Variants in LOXL2 observed in about 807,000 individuals in gnomAD.
LOXL2 encodes lysyl oxidase like 2.
Under a neutral mutation model 93.0 loss-of-function variants are expected in LOXL2, and 70 were observed. That is an observed-to-expected ratio of 0.75 (90% CI 0.62 to 0.92). The LOEUF (loss-of-function observed/expected upper bound fraction) is 0.92, where lower values mean the gene tolerates loss of function less well. LOXL2 is among the 40% of genes least tolerant of loss of function. The probability of loss-of-function intolerance (pLI) is 0.00; values close to 1 mark genes in which losing one functional copy is unlikely to be tolerated. For missense variants in LOXL2, 973 were observed against 1,054.9 expected, an observed-to-expected ratio of 0.92 and a Z score of 1.08; for synonymous variants, 438 against 413.2, an observed-to-expected ratio of 1.06 and a Z score of -0.73.
chr8:23,384,608 A>C (rs1358728328), intron 1 of LOXL2, among the ~76,000 whole-genome samples: 1 of 152,174 alleles, frequency 6.6e-6, no homozygotes, highest in Non-Finnish European at 1.5e-5. Context: ...AGGCAGAAGG[A>C]GGGAGTAACT....
chr8:23,394,734 GC>G (rs1800066686), intron 1 of LOXL2, among the ~76,000 whole-genome samples: 1 of 151,740 alleles, frequency 6.6e-6, no homozygotes, highest in Non-Finnish European at 1.5e-5. Context: ...ATATGACCCA[GC>G]AACCCCCCTC....
intron 2 of LOXL2, chr8:23,365,779 CCCTT>C (rs1223678814): frequency 3.3e-5 from 5 of 152,298 alleles, no homozygotes; most frequent in African/African-American, 1.2e-4. Flanking sequence ...ACACACAGCT[CCCTT>C]CATCTTTTAG....
chr8:23,318,643 T>G (rs1023016454), intron 8 of LOXL2, among the ~76,000 whole-genome samples: 2 of 152,116 alleles, frequency 1.3e-5, no homozygotes, highest in African/African-American at 4.8e-5. Context: ...GGCCCAGGTG[T>G]CTTAGGAATG....
intron 5 of LOXL2, chr8:23,331,480 C>T (rs1180333527): frequency 6.6e-6 from 1 of 152,246 alleles, no homozygotes; most frequent in Non-Finnish European, 1.5e-5. Flanking sequence ...GCACTAAGTA[C>T]TGAGGTTTTA....
intron 1 of LOXL2, among the ~76,000 whole-genome samples, chr8:23,369,410 C>G (rs575511511): frequency 6.8e-4 from 103 of 152,076 alleles, no homozygotes; most frequent in African/African-American, 2.1e-3. Flanking sequence ...GGGCCCCAAA[C>G]CAGGATGAGC....
intron 1 of LOXL2, among the ~76,000 whole-genome samples, chr8:23,396,909 T>C (rs1266884602): frequency 6.6e-6 from 1 of 152,216 alleles, no homozygotes; most frequent in East Asian, 1.9e-4. Flanking sequence ...TGTACACCAA[T>C]GTTCACAGCA....
chr8:23,332,540 ACCCC>A (rs1803709496), intron 5 of LOXL2, among the ~76,000 whole-genome samples: 1 of 59,546 alleles, frequency 1.7e-5, no homozygotes, highest in South Asian at 6.5e-4. Flanking sequence ...CCACTCATAC[ACCCC>A]CACACACCCA....
chr8:23,342,565 G>A (rs1803899971), intron 3 of LOXL2, among the ~76,000 whole-genome samples: 2 of 151,596 alleles, frequency 1.3e-5, no homozygotes, highest in Non-Finnish European at 2.9e-5. Context: ...CCAAGTAGCT[G>A]GGACTACAGG....
chr8:23,397,121 T>C (rs926556073), intron 1 of LOXL2, among the ~76,000 whole-genome samples: 47 of 152,276 alleles, frequency 3.1e-4, no homozygotes, highest in African/African-American at 1.1e-3. Flanking sequence ...AAATATAATA[T>C]ATTCCACTTA....
chr8:23,375,707 A>T (rs1010510143), intron 1 of LOXL2, among the ~76,000 whole-genome samples: 13 of 149,094 alleles, frequency 8.7e-5, no homozygotes, highest in Non-Finnish European at 1.6e-4. Flanking sequence ...TCTTTGAAGC[A>T]ATTGTGAATG....
At chr8:23,396,474 A>G (rs1465697608) in intron 1 of LOXL2, among the ~76,000 whole-genome samples, 4 of 152,230 alleles carry the variant, frequency 2.6e-5, no homozygotes, top group East Asian at 3.8e-4. Context: ...CCAGAAAGGC[A>G]GGAGTTCTCC....
intron 3 of LOXL2, among the ~76,000 whole-genome samples, chr8:23,352,295 T>C (rs1804107466): frequency 6.6e-6 from 1 of 152,154 alleles, no homozygotes; most frequent in African/African-American, 2.4e-5. Flanking sequence ...CTGGCTACCA[T>C]TTCTCTTCCT....
intron 1 of LOXL2, among the ~76,000 whole-genome samples, chr8:23,403,035 C>A (rs1203611328): frequency 2.0e-5 from 3 of 152,110 alleles, no homozygotes; most frequent in African/African-American, 7.2e-5. Context: ...GAGGGAACCT[C>A]GCTTGTTCTC....
At chr8:23,373,298 C>T (rs1804528605) in intron 1 of LOXL2, among the ~76,000 whole-genome samples, 1 of 152,144 alleles carries the variant, frequency 6.6e-6, no homozygotes, top group African/African-American at 2.4e-5. Context: ...ACTACCTGAG[C>T]CAGCGGAGGG....
At chr8:23,383,435 T>C (rs932582690) in intron 1 of LOXL2, among the ~76,000 whole-genome samples, 9 of 152,158 alleles carry the variant, frequency 5.9e-5, no homozygotes, top group Non-Finnish European at 8.8e-5. Flanking sequence ...AGAACCTGAT[T>C]GTGGAGCTCT....
intron 8 of LOXL2, among the ~76,000 whole-genome samples, chr8:23,318,208 C>T (rs1439198525): frequency 6.6e-6 from 1 of 151,718 alleles, no homozygotes; most frequent in Non-Finnish European, 1.5e-5. Context: ...CCTGAGGCCT[C>T]CCAAGGAAGA....
intron 8 of LOXL2, 98 bp downstream of exon 8, chr8:23,319,787 C>T (rs544309204): frequency 3.8e-5 from 52 of 1,354,378 alleles, no homozygotes; most frequent in Middle Eastern, 2.4e-4. Flanking sequence ...CCTGCCTGCA[C>T]GGCTAGGGAG....
intron 1 of LOXL2, chr8:23,370,762 C>T (rs990011198): frequency 6.6e-6 from 1 of 152,226 alleles, no homozygotes; most frequent in African/African-American, 2.4e-5. Flanking sequence ...GAGTTCAGAA[C>T]CTGCCAAGGA....
intron 5 of LOXL2, 65 bp downstream of exon 5, chr8:23,333,332 GCCTA>G: frequency 2.1e-6 from 3 of 1,410,256 alleles, no homozygotes; most frequent in Non-Finnish European, 3.0e-6. Context: ...GGGGGATCCT[GCCTA>G]CTCCCTCAAC....
Sources: gnomAD v4.1 joint callset for allele counts (sites outside exome capture counted in the v4.1 genomes callset) on GRCh38, gnomAD v4.1.1 for gene constraint, MANE v1.5 for transcripts, NCBI Gene and HGNC (gene_info 2026-07-23, HGNC 2026-07-21) for gene names.